Variants in CLASP2 observed in about 807,000 individuals in gnomAD.
CLASP2 encodes CLIP-associating protein 2.
In CLASP2, 47 loss-of-function variants were observed where a neutral mutation model predicts 194.4. That is an observed-to-expected ratio of 0.24 (90% CI 0.19 to 0.31). The LOEUF is 0.31. Among genes scored for constraint, CLASP2 ranks in the 10% least tolerant of loss-of-function variants. The pLI is 1.00. For missense variants in CLASP2, 1,445 were observed against 1,823.6 expected (o/e 0.79, Z 3.78); for synonymous variants, 619 against 633.5 (o/e 0.98, Z 0.34).
chr3:33,626,099 T>A (rs1194490025), intron 10 of CLASP2, among the ~76,000 whole-genome samples: 2 of 152,106 alleles, frequency 1.3e-5, no homozygotes, highest in African/African-American at 4.8e-5. Flanking sequence ...TTTAACAAAT[T>A]TGGAGGAATA....
chr3:33,619,284 T>C (rs1042076343), intron 12 of CLASP2, among the ~76,000 whole-genome samples: 1 of 152,192 alleles, frequency 6.6e-6, no homozygotes, highest in African/African-American at 2.4e-5. Flanking sequence ...CTGTCTTTTA[T>C]TATTTTCTGT....
Position 33,710,625 on chromosome 3 carries a change from C to A in CLASP2, c.195+7183G>T, listed in dbSNP as rs1007255262. Among the ~76,000 whole-genome samples the A allele has an allele frequency of 2.0e-5, 3 of 151,986 alleles. No homozygotes were observed. In the South Asian group the frequency reaches 6.2e-4, roughly 32 times the overall value. On this transcript the variant is annotated intron_variant, in intron 1 of 38. Coordinates refer to ENST00000682230, the MANE Select transcript of CLASP2 (RefSeq NM_001365631.1). ...AAGAACAAATAGCATTTATGATACT[C>A]TCTAACACTTTAAATTACCGAGGAG...
chr3:33,561,799 A>G (rs1284266922), intron 27 of CLASP2, among the ~76,000 whole-genome samples: 1 of 152,164 alleles, frequency 6.6e-6, no homozygotes, highest in Non-Finnish European at 1.5e-5. Flanking sequence ...AAGATAGTCA[A>G]CACCATAATG....
intron 1 of CLASP2, among the ~76,000 whole-genome samples, chr3:33,697,953 CA>C (rs1219592602): frequency 5.9e-5 from 9 of 152,174 alleles, no homozygotes; most frequent in African/African-American, 2.2e-4. Flanking sequence ...CATGAAAACA[CA>C]ACTAGCCACA....
At chr3:33,508,582 G>A (rs937280210) in intron 37 of CLASP2, among the ~76,000 whole-genome samples, 4 of 152,150 alleles carry the variant, frequency 2.6e-5, no homozygotes, top group Admixed American at 6.5e-5. Flanking sequence ...GCCCTCCTTG[G>A]CTTCCCAAAG....
At chr3:33,599,203 C>T (rs1280455011) in intron 18 of CLASP2, among the ~76,000 whole-genome samples, 1 of 152,168 alleles carries the variant, frequency 6.6e-6, no homozygotes, top group Non-Finnish European at 1.5e-5. Flanking sequence ...CGGCTCACTG[C>T]AGCCTCTACT....
In CLASP2 at chr3:33,565,111, C is replaced by T. The variant is rs556081748; in HGVS notation, c.2766+1621G>A. Among the ~76,000 whole-genome samples the T allele has an allele frequency of 6.6e-4, 101 of 152,230 alleles. 1 individual carries two copies. The highest frequency in any genetic ancestry group is 2.3e-3 in the African/African-American group (97 of 41,548). On this transcript the variant is annotated intron_variant, in intron 27 of 38. Coordinates refer to ENST00000682230, the MANE Select transcript of CLASP2 (RefSeq NM_001365631.1). ...AGGTGAAGATGACAATAATAAAGAT[C>T]TTTATGGTGATCCATTCCACCTAAC...
chr3:33,569,765 AATTT>A (rs1161838383), intron 26 of CLASP2, among the ~76,000 whole-genome samples: 2 of 152,146 alleles, frequency 1.3e-5, no homozygotes, highest in African/African-American at 2.4e-5. Flanking sequence ...AAGTATAAGC[AATTT>A]ATTTAAATAA....
intron 7 of CLASP2, among the ~76,000 whole-genome samples, chr3:33,660,578 T>C (rs2085140791): frequency 6.6e-6 from 1 of 152,208 alleles, no homozygotes; most frequent in Non-Finnish European, 1.5e-5. Flanking sequence ...ATGTATGATG[T>C]GTCATTATTA....
At chr3:33,499,729 T>C (rs1265643737) in intron 38 of CLASP2, among the ~76,000 whole-genome samples, 1 of 152,272 alleles carries the variant, frequency 6.6e-6, no homozygotes, top group African/African-American at 2.4e-5. Flanking sequence ...AAAGCAATAA[T>C]AACAAACAAT....
intron 21 of CLASP2, among the ~76,000 whole-genome samples, chr3:33,585,851 TA>T (rs961544515): frequency 6.6e-6 from 1 of 152,198 alleles, no homozygotes; most frequent in Admixed American, 6.5e-5. Context: ...TTGTTAAGTA[TA>T]TAATAATGAT....
At chr3:33,528,069 C>G (rs571778429) in intron 34 of CLASP2, among the ~76,000 whole-genome samples, 1 of 152,170 alleles carries the variant, frequency 6.6e-6, no homozygotes, top group Non-Finnish European at 1.5e-5. Context: ...CCGAATCCAG[C>G]AGGACATCAA....
intron 6 of CLASP2, among the ~76,000 whole-genome samples, chr3:33,663,980 T>C (rs901066780): frequency 1.3e-5 from 2 of 152,174 alleles, no homozygotes; most frequent in African/African-American, 4.8e-5. Context: ...TCTGATGCTA[T>C]CCCTGTTTCA....
intron 34 of CLASP2, among the ~76,000 whole-genome samples, chr3:33,523,562 C>T (rs1445364472): frequency 6.6e-6 from 1 of 152,140 alleles, no homozygotes; most frequent in Non-Finnish European, 1.5e-5. Context: ...CTACATCTGT[C>T]AAAACTGTCC....
At chr3:33,515,991 T>A in intron 36 of CLASP2, 32 bp downstream of exon 36, 1 of 1,568,700 alleles carries the variant, frequency 6.4e-7, no homozygotes, top group African/African-American at 1.4e-5. Flanking sequence ...AATAAAATAA[T>A]GGAATAATAC....
At chr3:33,714,741 A>C (rs751043107) in intron 1 of CLASP2, among the ~76,000 whole-genome samples, 2 of 151,016 alleles carry the variant, frequency 1.3e-5, no homozygotes, top group Non-Finnish European at 3.0e-5. Context: ...AAAACCCCCC[A>C]CTGTATTTAT....
chr3:33,703,960 T>C (rs903832344), intron 1 of CLASP2, among the ~76,000 whole-genome samples: 1 of 152,206 alleles, frequency 6.6e-6, no homozygotes, highest in East Asian at 1.9e-4. Context: ...ATCTTAAATG[T>C]ATGCTATTAA....
At chr3:33,554,225 CAAAAAAAAAAA>C (rs58168943) in intron 29 of CLASP2, among the ~76,000 whole-genome samples, 1 of 88,944 alleles carries the variant, frequency 1.1e-5, no homozygotes, top group African/African-American at 4.6e-5. Flanking sequence ...GAAACTGTCT[CAAAAAAAAAAA>C]AAAAAAAATG....
intron 1 of CLASP2, among the ~76,000 whole-genome samples, chr3:33,702,847 A>T (rs1333922343): frequency 6.6e-6 from 1 of 152,222 alleles, no homozygotes; most frequent in Non-Finnish European, 1.5e-5. Flanking sequence ...CTCACAAAAA[A>T]GCAAAGGCAA....
Sources: allele counts gnomAD v4.1 joint callset (sites outside exome capture counted in the v4.1 genomes callset), GRCh38; gene constraint gnomAD v4.1.1; transcripts MANE v1.5; gene names NCBI Gene and HGNC (gene_info 2026-07-23, HGNC 2026-07-21).